The following MCUB variants were observed in gnomAD, a reference collection of about 807,000 sequenced individuals.
The protein encoded by MCUB is mitochondrial calcium uniporter dominant negative subunit beta, also known as calcium uniporter regulatory subunit MCUb, mitochondrial.
In MCUB, 46 loss-of-function variants were observed where a neutral mutation model predicts 41.4. That is an observed-to-expected ratio of 1.11 (90% CI 0.88 to 1.42). The LOEUF (loss-of-function observed/expected upper bound fraction) is 1.42. Among genes scored for constraint, MCUB ranks in the 40% most tolerant of loss-of-function variants. MCUB has a pLI of 0.00. For missense variants in MCUB, 403 were observed against 404.9 expected (o/e 1.00, Z 0.04); for synonymous variants, 148 against 148.2 (o/e 1.00, Z 0.01).
At chr4:109,587,906 G>A (rs574083651) in intron 1 of MCUB, among the ~76,000 whole-genome samples, 8 of 152,238 alleles carry the variant, frequency 5.3e-5, no homozygotes, top group South Asian at 2.1e-4. Context: ...AATAACAGTC[G>A]AAATGAAAAC....
chr4:109,645,941 A>G (rs1243453350), intron 1 of MCUB, among the ~76,000 whole-genome samples: 8 of 152,132 alleles, frequency 5.3e-5, no homozygotes, highest in African/African-American at 1.9e-4. Context: ...CTCTCACGCT[A>G]TGCAAGTACA....
chr4:109,659,357 C>G (rs533727067), intron 2 of MCUB, among the ~76,000 whole-genome samples: 6 of 152,122 alleles, frequency 3.9e-5, no homozygotes, highest in South Asian at 2.1e-4. Context: ...TGGGAAGCCA[C>G]GGCAGGCGGA....
At chr4:109,621,408 A>T (rs1415285165) in intron 1 of MCUB, among the ~76,000 whole-genome samples, 1 of 152,182 alleles carries the variant, frequency 6.6e-6, no homozygotes, top group African/African-American at 2.4e-5. Context: ...GGGTGGTACA[A>T]AGAGCTTATA....
At position 109,582,166 on chromosome 4, in the gene MCUB, G is replaced by A. The variant is rs529158468; in HGVS notation, c.99+21730G>A. On this transcript the variant is annotated intron_variant, in intron 1 of 7. Transcript: ENST00000394650. ...TGATAGACCGGATTAAGAAAATGTGGCACATATACACCATGGAATACTATG... is the reference window on the plus strand; with the variant it reads ...TGATAGACCGGATTAAGAAAATGTGACACATATACACCATGGAATACTATG... Among the ~76,000 whole-genome samples, 135 of 151,938 alleles carry A rather than the reference G, an allele frequency of 8.9e-4. 1 individual carries two copies. The highest frequency in any genetic ancestry group is 3.2e-3 in the African/African-American group (133 of 41,406).
chr4:109,620,773 C>G (rs934916492), intron 1 of MCUB, among the ~76,000 whole-genome samples: 1 of 152,078 alleles, frequency 6.6e-6, no homozygotes, highest in African/African-American at 2.4e-5. Context: ...AGCCTCTTCC[C>G]CTAAGCTTTT....
At chr4:109,651,264 A>G (rs1728954491) in intron 1 of MCUB, among the ~76,000 whole-genome samples, 1 of 152,212 alleles carries the variant, frequency 6.6e-6, no homozygotes, top group Admixed American at 6.5e-5. Context: ...TACCACAGGG[A>G]CACCCTTTGA....
chr4:109,681,511 G>A (rs1184996825), intron 4 of MCUB: 3 of 448,712 alleles, frequency 6.7e-6, no homozygotes, highest in East Asian at 7.1e-5. Flanking sequence ...GGCAAGCCTC[G>A]TGTTCTCTGA....
chr4:109,580,180 G>A lies in MCUB; in HGVS notation c.99+19744G>A, dbSNP rs189448256. Among the ~76,000 whole-genome samples the A allele has an allele frequency of 5.3e-5, 8 of 152,248 alleles. No homozygotes were observed. The East Asian group carries it at 1.4e-3, about 26-fold the overall frequency. On this transcript the variant is annotated intron_variant, in intron 1 of 7. Transcript: ENST00000394650. ...TTGCTCGGAGTGATGGTTTCCAGCT[G>A]CATCCATGTCCCTGCAAAGGACATG... is the stretch of plus-strand genomic sequence containing the variant.
At chr4:109,683,414 T>C (rs1177040228) in intron 5 of MCUB, among the ~76,000 whole-genome samples, 1 of 152,172 alleles carries the variant, frequency 6.6e-6, no homozygotes, top group Non-Finnish European at 1.5e-5. Context: ...GAGGGACTTG[T>C]TTGGTTTTTT....
intron 5 of MCUB, 32 bp downstream of exon 5, chr4:109,682,774 AAATAAT>A: frequency 1.3e-6 from 2 of 1,543,130 alleles, no homozygotes; most frequent in Non-Finnish European, 1.8e-6. Context: ...GTATATTTGA[AAATAAT>A]ACCTAGTGTT....
In MCUB at chr4:109,587,682, G is replaced by A. The variant is rs61006726; in HGVS notation, c.99+27246G>A. Among the ~76,000 whole-genome samples, 19 of 152,218 alleles carry A rather than the reference G, an allele frequency of 1.2e-4. No individual in the cohort carries two copies. The South Asian group carries it at 3.5e-3, about 28-fold the overall frequency. On this transcript the variant is annotated intron_variant, in intron 1 of 7. Coordinates refer to ENST00000394650, the MANE Select transcript of MCUB (RefSeq NM_017918.5). ...ATCAGAATATTATCTTTAAAAAAAG[G>A]TTCTAGATTTTAGTAAGAAACAATC...
At chr4:109,642,753 A>C (rs182576305) in intron 1 of MCUB, among the ~76,000 whole-genome samples, 1 of 152,290 alleles carries the variant, frequency 6.6e-6, no homozygotes, top group Admixed American at 6.5e-5. Context: ...GCTGGATCAC[A>C]AAAAGCTGCT....
chr4:109,620,163 C>CA (rs928034859), intron 1 of MCUB, among the ~76,000 whole-genome samples: 6 of 152,150 alleles, frequency 3.9e-5, no homozygotes, highest in African/African-American at 1.4e-4. Flanking sequence ...GTTTTGCTTA[C>CA]AGGCACAACC....
intron 1 of MCUB, among the ~76,000 whole-genome samples, chr4:109,649,599 TA>T (rs1328941022): frequency 6.6e-6 from 1 of 152,198 alleles, no homozygotes; most frequent in Admixed American, 6.5e-5. Flanking sequence ...TCACCTTATG[TA>T]AATTTAATTG....
chr4:109,611,423 G>T (rs1728005143), intron 1 of MCUB, among the ~76,000 whole-genome samples: 1 of 152,214 alleles, frequency 6.6e-6, no homozygotes, highest in Non-Finnish European at 1.5e-5. Flanking sequence ...TCTAGGGGAA[G>T]TGAAAGCAAA....
chr4:109,675,419 C>T (rs1192090669), intron 4 of MCUB, among the ~76,000 whole-genome samples: 1 of 152,244 alleles, frequency 6.6e-6, no homozygotes, highest in African/African-American at 2.4e-5. Flanking sequence ...ACACCACACA[C>T]ACTAAGAGAG....
At chr4:109,686,150 A>AT (rs926730522) in intron 7 of MCUB, among the ~76,000 whole-genome samples, 2 of 152,150 alleles carry the variant, frequency 1.3e-5, no homozygotes, top group Non-Finnish European at 2.9e-5. Flanking sequence ...TTTAATTTAA[A>AT]TTTTTTTGAG....
chr4:109,634,352 C>T (rs796191287), intron 1 of MCUB, among the ~76,000 whole-genome samples: 54 of 152,100 alleles, frequency 3.6e-4, no homozygotes, highest in African/African-American at 1.1e-3. Flanking sequence ...CGTGGTGGCG[C>T]GTGCCTGTAA....
At chr4:109,575,955 A>T (rs1257307616) in intron 1 of MCUB, among the ~76,000 whole-genome samples, 1 of 152,164 alleles carries the variant, frequency 6.6e-6, no homozygotes, top group Non-Finnish European at 1.5e-5. Flanking sequence ...GTCCAACCTG[A>T]CCTTCATTCA....
Sources: allele counts gnomAD v4.1 joint callset (sites outside exome capture counted in the v4.1 genomes callset), GRCh38; gene constraint gnomAD v4.1.1; transcripts MANE v1.5; gene names NCBI Gene and HGNC (gene_info 2026-07-23, HGNC 2026-07-21).